The following MLLT3 variants were observed in gnomAD, a reference collection of about 807,000 sequenced individuals.
The protein encoded by MLLT3 is protein AF-9.
In MLLT3, 4 loss-of-function variants were observed where a neutral mutation model predicts 53.2. The ratio of observed to expected loss-of-function variants is 0.08; its 90% CI spans 0.04 to 0.17. The LOEUF (loss-of-function observed/expected upper bound fraction) is 0.17, where lower values mean the gene tolerates loss of function less well. Among genes scored for constraint, MLLT3 ranks in the 10% least tolerant of loss-of-function variants. The pLI is 1.00. For synonymous variants in MLLT3, 283 were observed against 230.6 expected (o/e 1.23, Z -2.06); for missense variants, 569 against 684.0 (o/e 0.83, Z 1.87).
intron 5 of MLLT3, among the ~76,000 whole-genome samples, chr9:20,397,469 G>A (rs1822351854): frequency 6.6e-6 from 1 of 152,090 alleles, no homozygotes; most frequent in Non-Finnish European, 1.5e-5. Context: ...ATTGTTATCA[G>A]TGCAGGCTCA....
At chr9:20,584,618 C>A (rs557176207) in intron 2 of MLLT3, among the ~76,000 whole-genome samples, 79 of 152,232 alleles carry the variant, frequency 5.2e-4, no homozygotes, top group Non-Finnish European at 8.5e-4. Flanking sequence ...GAGGAAGAAG[C>A]AAAAGTGGAA....
At chr9:20,393,809 G>A (rs1443379029) in intron 5 of MLLT3, among the ~76,000 whole-genome samples, 2 of 152,090 alleles carry the variant, frequency 1.3e-5, no homozygotes, top group Non-Finnish European at 2.9e-5. Context: ...ACTATTTTAA[G>A]AGCATAGAAA....
At chr9:20,398,018 A>T (rs1421072700) in intron 5 of MLLT3, among the ~76,000 whole-genome samples, 3 of 152,044 alleles carry the variant, frequency 2.0e-5, no homozygotes, top group Non-Finnish European at 4.4e-5. Context: ...ACTCTCTTTC[A>T]CAATACTTGC....
intron 4 of MLLT3, among the ~76,000 whole-genome samples, chr9:20,419,462 GA>G (rs1019285212): frequency 6.7e-6 from 1 of 148,300 alleles, no homozygotes; most frequent in Admixed American, 6.7e-5. Context: ...AAGTAATATG[GA>G]AAAAAATTTT....
At chr9:20,544,020 A>G (rs1818717460) in intron 2 of MLLT3, among the ~76,000 whole-genome samples, 1 of 152,228 alleles carries the variant, frequency 6.6e-6, no homozygotes, top group Non-Finnish European at 1.5e-5. Context: ...ATAAATAAAC[A>G]GAACAGAATA....
intron 2 of MLLT3, among the ~76,000 whole-genome samples, chr9:20,516,959 T>C (rs1180625675): frequency 6.6e-6 from 1 of 152,254 alleles, no homozygotes; most frequent in African/African-American, 2.4e-5. Flanking sequence ...GAAACTGCTA[T>C]GCAGTTTAAG....
chr9:20,545,959 C>T (rs1267915418), intron 2 of MLLT3, among the ~76,000 whole-genome samples: 1 of 151,930 alleles, frequency 6.6e-6, no homozygotes, highest in Non-Finnish European at 1.5e-5. Context: ...TTCAATGCTG[C>T]AGTGAGCTAT....
At chr9:20,375,798 C>T (rs866684769) in intron 5 of MLLT3, among the ~76,000 whole-genome samples, 6 of 151,646 alleles carry the variant, frequency 4.0e-5, no homozygotes, top group South Asian at 2.1e-4. Flanking sequence ...TTAGTAGAGA[C>T]GGGGTTTCAC....
rs866701540 is a variant in MLLT3 at position 20,343,265 on chromosome 9, A to C, written c.*3178T>G. ...AAAACCAATATTACTGGCTCTTTCC[A>C]CCAAAAGGTGAATATTCAGATTAGA... On this transcript the variant is annotated 3_prime_UTR_variant, in exon 11 of 11. Transcript: ENST00000380338. The C allele has an allele frequency of 5.7e-6, 1 of 176,850 alleles. No individual in the cohort carries two copies. The highest frequency in any genetic ancestry group is 2.1e-3 in the Middle Eastern group (1 of 480). The allele number at this position is 176,850 out of a possible 1,614,324, so 11.0% of individuals were successfully genotyped here. A position where few individuals can be genotyped will look rare whatever the true frequency, so the allele number is the denominator to read the frequency against.
At chr9:20,550,544 C>T (rs762091410) in intron 2 of MLLT3, among the ~76,000 whole-genome samples, 7 of 152,062 alleles carry the variant, frequency 4.6e-5, no homozygotes, top group African/African-American at 7.2e-5. Context: ...GATCCTCCCA[C>T]CCCACGAGTA....
At position 20,410,364 on chromosome 9, in the gene MLLT3, T is replaced by C. The variant is rs369064600; in HGVS notation, c.1125+3357A>G. Among the ~76,000 whole-genome samples, 3 of 152,204 alleles carry C rather than the reference T, an allele frequency of 2.0e-5. No homozygotes were observed. In the East Asian group the frequency reaches 5.8e-4, roughly 29 times the overall value. On this transcript the variant is annotated intron_variant, in intron 5 of 10. Transcript: ENST00000380338. Reference sequence around the variant, plus strand: ...CATTTTTTTTATTAGTGTGTTAACGTTTCACCCACATTGATTTATTAAATT... The same window carrying C: ...CATTTTTTTTATTAGTGTGTTAACGCTTCACCCACATTGATTTATTAAATT...
At chr9:20,596,293 G>A (rs577701304) in intron 2 of MLLT3, among the ~76,000 whole-genome samples, 1 of 152,064 alleles carries the variant, frequency 6.6e-6, no homozygotes, top group South Asian at 2.1e-4. Context: ...TGAATTACCA[G>A]GAAAACTATG....
chr9:20,475,784 A>G (rs565558872), intron 2 of MLLT3, among the ~76,000 whole-genome samples: 3 of 152,238 alleles, frequency 2.0e-5, no homozygotes, highest in East Asian at 3.9e-4. Flanking sequence ...TAAATACAAG[A>G]GCTTTTTACA....
chr9:20,356,057 G>A (rs1336351397), intron 8 of MLLT3, among the ~76,000 whole-genome samples: 1 of 152,168 alleles, frequency 6.6e-6, no homozygotes, highest in Non-Finnish European at 1.5e-5. Flanking sequence ...AGATGAACAA[G>A]ATAAGACCCA....
rs577198386 is a variant in MLLT3 at position 20,455,966 on chromosome 9, C to G, written c.276+738G>C. Reference sequence around the variant, plus strand: ...TTTTTTTTTGAGAAAAATAATGGAGCCTCACTCTGTCACCCAGGCTGGAAT... The same window carrying G: ...TTTTTTTTTGAGAAAAATAATGGAGGCTCACTCTGTCACCCAGGCTGGAAT... On this transcript the variant is annotated intron_variant, in intron 3 of 10. Coordinates refer to ENST00000380338, the MANE Select transcript of MLLT3 (RefSeq NM_004529.4). 8.1e-4 allele frequency among the ~76,000 whole-genome samples: 114 copies of G among 141,432 alleles called. 1 individual carries two copies. The highest frequency in any genetic ancestry group is 1.4e-3 in the Non-Finnish European group (92 of 66,714). The allele number at this position is 141,432 out of a possible 152,430, so 92.8% of individuals were successfully genotyped here. A position where few individuals can be genotyped will look rare whatever the true frequency, so the allele number is the denominator to read the frequency against.
At chr9:20,374,811 T>C (rs529198205) in intron 5 of MLLT3, among the ~76,000 whole-genome samples, 4 of 152,314 alleles carry the variant, frequency 2.6e-5, no homozygotes, top group African/African-American at 7.2e-5. Context: ...AGGTGAGTGA[T>C]AGGAATTATG....
chr9:20,470,471 A>T (rs1005484066), intron 2 of MLLT3, among the ~76,000 whole-genome samples: 1 of 152,066 alleles, frequency 6.6e-6, no homozygotes, highest in Non-Finnish European at 1.5e-5. Flanking sequence ...TTGGACAATG[A>T]TGCTGATATC....
At chr9:20,587,527 T>C (rs1043978004) in intron 2 of MLLT3, among the ~76,000 whole-genome samples, 1 of 119,942 alleles carries the variant, frequency 8.3e-6, no homozygotes, top group African/African-American at 2.9e-5. Context: ...AATTCTAAGA[T>C]AAAAGAAAAA....
At chr9:20,421,741 T>A (rs924047350) in intron 4 of MLLT3, among the ~76,000 whole-genome samples, 1 of 152,110 alleles carries the variant, frequency 6.6e-6, no homozygotes, top group African/African-American at 2.4e-5. Context: ...AAACTCAGAT[T>A]TTCCATAAAA....
Sources: allele counts gnomAD v4.1 joint callset (sites outside exome capture counted in the v4.1 genomes callset), GRCh38; gene constraint gnomAD v4.1.1; transcripts MANE v1.5; gene names NCBI Gene and HGNC (gene_info 2026-07-23, HGNC 2026-07-21).